The following SUPT3H variants were observed in gnomAD, a reference collection of about 807,000 sequenced individuals.
The protein encoded by SUPT3H is transcription initiation protein SPT3 homolog.
In SUPT3H, 44 loss-of-function variants were observed where a neutral mutation model predicts 44.3. The ratio of observed to expected loss-of-function variants is 0.99; its 90% confidence interval spans 0.78 to 1.28. SUPT3H has a LOEUF of 1.28. Among genes scored for constraint, SUPT3H ranks in the 50% most tolerant of loss-of-function variants. SUPT3H has a pLI of 0.00. For missense variants in SUPT3H, 380 were observed against 387.1 expected (o/e 0.98, Z 0.15); for synonymous variants, 124 against 125.6 (o/e 0.99, Z 0.09).
At chr6:44,872,336 C>T (rs1421721690) in intron 10 of SUPT3H, among the ~76,000 whole-genome samples, 1 of 83,954 alleles carries the variant, frequency 1.2e-5, no homozygotes, top group Non-Finnish European at 2.4e-5. Context: ...AGAGTGGGGG[C>T]CAATATTCAA....
intron 2 of SUPT3H, among the ~76,000 whole-genome samples, chr6:45,271,160 A>G (rs1776078208): frequency 6.6e-6 from 1 of 152,214 alleles, no homozygotes; most frequent in Non-Finnish European, 1.5e-5. Context: ...TGCGACTGAA[A>G]AGAAAATCCC....
chr6:45,129,922 G>C (rs1284036546), intron 2 of SUPT3H, among the ~76,000 whole-genome samples: 1 of 152,108 alleles, frequency 6.6e-6, no homozygotes, highest in Non-Finnish European at 1.5e-5. Flanking sequence ...AAAAAAGGCA[G>C]TGTTAAGACT....
At chr6:45,120,423 A>AAAAAAAAAAAAAAAAAAAG (rs1801473509) in intron 2 of SUPT3H, among the ~76,000 whole-genome samples, 1 of 144,422 alleles carries the variant, frequency 6.9e-6, no homozygotes, top group Non-Finnish European at 1.5e-5. Context: ...TGTCTAAAAA[A>AAAAAAAAAAAAAAAAAAAG]AAAAAAAAAA....
At chr6:45,032,265 G>A (rs1436735014) in intron 3 of SUPT3H, among the ~76,000 whole-genome samples, 2 of 152,006 alleles carry the variant, frequency 1.3e-5, no homozygotes, top group African/African-American at 2.4e-5. Context: ...TGAAAAGTCG[G>A]GTTTCCCTAA....
intron 10 of SUPT3H, among the ~76,000 whole-genome samples, chr6:44,880,914 C>A (rs1778120022): frequency 6.6e-6 from 1 of 152,106 alleles, no homozygotes; most frequent in Admixed American, 6.5e-5. Context: ...TACAAGAGCT[C>A]CTGAAGGAAG....
At chr6:45,143,207 C>T (rs149129875) in intron 2 of SUPT3H, among the ~76,000 whole-genome samples, 1 of 151,966 alleles carries the variant, frequency 6.6e-6, no homozygotes, top group Non-Finnish European at 1.5e-5. Context: ...TAGAATGGAA[C>T]CAACATATTT....
chr6:45,175,012 TAAAAAAAA>T (rs57838175), intron 2 of SUPT3H, among the ~76,000 whole-genome samples: 1 of 62,540 alleles, frequency 1.6e-5, no homozygotes, highest in Non-Finnish European at 2.9e-5. Context: ...CCCTCGTCAC[TAAAAAAAA>T]AAAAAAAAAA....
At chr6:45,202,537 G>A (rs1284695048) in intron 2 of SUPT3H, among the ~76,000 whole-genome samples, 1 of 151,946 alleles carries the variant, frequency 6.6e-6, no homozygotes, top group African/African-American at 2.4e-5. Flanking sequence ...TTTACCCAAT[G>A]ATCTTTTGTA....
At chr6:44,925,160 C>T (rs1353091352) in intron 10 of SUPT3H, among the ~76,000 whole-genome samples, 1 of 152,088 alleles carries the variant, frequency 6.6e-6, no homozygotes, top group Non-Finnish European at 1.5e-5. Flanking sequence ...CTCTAGTACC[C>T]TCTAATAAAT....
intron 2 of SUPT3H, among the ~76,000 whole-genome samples, chr6:45,130,177 C>T (rs1023437129): frequency 2.6e-5 from 4 of 152,132 alleles, no homozygotes; most frequent in Non-Finnish European, 4.4e-5. Flanking sequence ...AGTTATTCCC[C>T]ATTCTCACCC....
intron 2 of SUPT3H, among the ~76,000 whole-genome samples, chr6:45,272,719 G>T (rs1484025241): frequency 6.6e-6 from 1 of 152,134 alleles, no homozygotes; most frequent in Non-Finnish European, 1.5e-5. Context: ...CCGTCCTGGT[G>T]GAGAAGGATT....
At chr6:44,886,782 G>A (rs1438055135) in intron 10 of SUPT3H, among the ~76,000 whole-genome samples, 2 of 152,118 alleles carry the variant, frequency 1.3e-5, no homozygotes, top group African/African-American at 4.8e-5. Flanking sequence ...AACTTTAAAT[G>A]TAAATGGACT....
In SUPT3H at chr6:44,844,870, T is replaced by C. The variant is rs1771605336; in HGVS notation, c.913-15013A>G. ...GTCAAAATCATCAAACTATATATTT[T>C]AAAAGAATGAATTTTATTGTATGCA... On this transcript the variant is annotated intron_variant, in intron 10 of 10. Transcript: ENST00000371459. 2.6e-5 allele frequency among the ~76,000 whole-genome samples: 4 copies of C among 152,196 alleles called. No individual in the cohort carries two copies. The South Asian group carries it at 8.3e-4, about 32-fold the overall frequency.
intron 2 of SUPT3H, among the ~76,000 whole-genome samples, chr6:45,344,916 G>A (rs966627994): frequency 1.3e-5 from 2 of 152,140 alleles, no homozygotes; most frequent in Non-Finnish European, 2.9e-5. Context: ...TTTACAAGCA[G>A]GATAGTTTAG....
At chr6:45,154,986 T>C (rs1461330438) in intron 2 of SUPT3H, among the ~76,000 whole-genome samples, 1 of 152,060 alleles carries the variant, frequency 6.6e-6, no homozygotes, top group African/African-American at 2.4e-5. Flanking sequence ...GTGTTTGATC[T>C]GCAATTTGGA....
At chr6:45,031,007 C>A (rs1786836950) in intron 3 of SUPT3H, among the ~76,000 whole-genome samples, 1 of 152,092 alleles carries the variant, frequency 6.6e-6, no homozygotes, top group African/African-American at 2.4e-5. Context: ...GTAGTCGAAG[C>A]TTTAAAAATC....
At chr6:45,279,255 G>C (rs974697961) in intron 2 of SUPT3H, among the ~76,000 whole-genome samples, 1 of 152,112 alleles carries the variant, frequency 6.6e-6, no homozygotes, top group Non-Finnish European at 1.5e-5. Flanking sequence ...TTACACTGTA[G>C]AAAATATTTA....
rs2153595847 is a variant in SUPT3H at position 45,150,731 on chromosome 6, T to TG, written c.102-44726_102-44725insC. ...AATCTTTATTCTGCGTTTTTTTTTT[T>TG]TTTTTTTTTAAGATGGAGTCTCACT... On this transcript the variant is annotated intron_variant, in intron 2 of 10. Coordinates refer to ENST00000371459, the MANE Select transcript of SUPT3H (RefSeq NM_003599.4). Among the ~76,000 whole-genome samples, 2 of 138,418 alleles carry TG rather than the reference T, an allele frequency of 1.4e-5. 1 individual carries two copies. The highest frequency in any genetic ancestry group is 4.0e-4 in the East Asian group (2 of 5,050). The allele number at this position is 138,418 out of a possible 152,430, so 90.8% of individuals were successfully genotyped here.
intron 6 of SUPT3H, among the ~76,000 whole-genome samples, chr6:44,966,460 T>C (rs1338770302): frequency 1.3e-5 from 2 of 151,234 alleles, no homozygotes; most frequent in Admixed American, 6.6e-5. Context: ...AGTAAAACCA[T>C]CTCAATAAAG....
Sources: gnomAD v4.1 joint callset for allele counts (sites outside exome capture counted in the v4.1 genomes callset) on GRCh38, gnomAD v4.1.1 for gene constraint, MANE v1.5 for transcripts, NCBI Gene and HGNC (gene_info 2026-07-23, HGNC 2026-07-21) for gene names.